MAN2B1: variants seen among roughly 807,000 people sequenced by gnomAD.
MAN2B1 encodes mannosidase alpha class 2B member 1.
A neutral mutation model predicts 127.5 loss-of-function variants in MAN2B1; 99 were observed. The observed-to-expected ratio is 0.78, with a 90% CI of 0.66 to 0.92. MAN2B1 has a LOEUF of 0.92. MAN2B1 is among the 40% of genes least tolerant of loss of function. MAN2B1 has a pLI of 0.00. For missense variants in MAN2B1, 1,304 were observed against 1,384.8 expected (o/e 0.94, Z 0.93); for synonymous variants, 573 against 568.8 (o/e 1.01, Z -0.11).
chr19:12,664,837 A>C lies in MAN2B1; in HGVS notation c.585T>G (p.Ile195Met). 1 of 1,613,998 alleles carries C rather than the reference A, an allele frequency of 6.2e-7. No homozygotes were observed. The highest frequency in any genetic ancestry group is 8.5e-7 in the Non-Finnish European group (1 of 1,179,962). The change falls in exon 4 of 24, where the codon ATT (isoleucine) becomes ATG (methionine). Residue 195 changes from isoleucine (I) to methionine (M), a missense_variant. By Grantham distance (10) the Ile-to-Met change is conservative. Transcript: ENST00000456935. Reference protein sequence around the residue: ...NDGRPRVAWHIDPFGHSREQA... With the variant: ...NDGRPRVAWHMDPFGHSREQA... The stretch of plus-strand genomic sequence containing the variant: ...GCTCCCGAGAGTGGCCGAAGGGGTC[A>C]ATGTGCCAGGCCACACGGGGTCGCC...
Position 12,646,567 on chromosome 19 carries a change from TG to T in MAN2B1, c.*52del. 1 of 1,344,064 alleles carries T rather than the reference TG, an allele frequency of 7.4e-7. No individual in the cohort carries two copies. The highest frequency in any genetic ancestry group is 1.1e-6 in the Non-Finnish European group (1 of 934,550). The allele number at this position is 1,344,064 out of a possible 1,614,324, so 83.3% of individuals were successfully genotyped here. A position where few individuals can be genotyped will look rare whatever the true frequency, so the allele number is the denominator to read the frequency against. On this transcript the variant is annotated 3_prime_UTR_variant, in exon 24 of 24. Transcript: ENST00000456935. ...CAGCCCCAAGAGGAGAGTCAGAGTC[TG>T]GTCTGCCCCCGGAGCAGGAGGCTTG...
chr19:12,658,641 C>G (rs1366309883), intron 7 of MAN2B1, 131 bp from the exon 8 acceptor site: 1 of 840,650 alleles, frequency 1.2e-6, no homozygotes, highest in Non-Finnish European at 2.0e-6. Flanking sequence ...GGCGTGCAAG[C>G]CAATGGTTGG....
In MAN2B1 at chr19:12,647,669, G is replaced by C; in HGVS notation, c.2665-71C>G. ...GATGGAGAAGGGCGGGGCCGAGCCA[G>C]GTCAGGAGGCAGGGCTAGGTTGTAG... On this transcript the variant is annotated intron_variant, in intron 21 of 23. Coordinates refer to ENST00000456935, the MANE Select transcript of MAN2B1 (RefSeq NM_000528.4). This position sits in a 1 kb window ranked among gnomAD's most constrained non-coding sequence, Gnocchi z 4.9. 1 of 1,395,030 alleles carries C rather than the reference G, an allele frequency of 7.2e-7. No homozygotes were observed. The highest frequency in any genetic ancestry group is 2.4e-5 in the East Asian group (1 of 42,420). The allele number at this position is 1,395,030 out of a possible 1,614,324, so 86.4% of individuals were successfully genotyped here.
rs753397171 is a variant in MAN2B1, at chr19:12,646,690, T to C, written c.2966A>G (p.Asn989Ser). The change falls in exon 24 of 24, where the codon AAC becomes AGC. Residue 989 changes from asparagine (N) to serine (S), a missense_variant. Asn to Ser is a conservative substitution (Grantham distance 46). Transcript: ENST00000456935. ...HQTPYQLDPA[N>S]ITLEPMEIRT... Reference sequence around the variant, plus strand: ...GATTTCCATGGGTTCCAGCGTGATGTTGGCCGGGTCCAGCTGGTACGGAGT... The same window carrying C: ...GATTTCCATGGGTTCCAGCGTGATGCTGGCCGGGTCCAGCTGGTACGGAGT... 160 of 1,614,012 alleles carry C rather than the reference T, an allele frequency of 9.9e-5. No homozygotes were observed. Among genetic ancestry groups the C allele is most frequent in the Admixed American group, 8.3e-4 (50 of 59,994 alleles).
rs553663605 is a variant in MAN2B1, at chr19:12,647,990, A to G, written c.2664+185T>C. ...ATGAGCTAGGGCTGTGCCTCTACAC[A>G]GTCCAGGGGGGTTGGGACTGGGCTG... is the stretch of plus-strand genomic sequence containing the variant. On this transcript the variant is annotated intron_variant, in intron 21 of 23. Coordinates refer to ENST00000456935, the MANE Select transcript of MAN2B1 (RefSeq NM_000528.4). The surrounding 1 kb of genome is among the most constrained non-coding windows in gnomAD (Gnocchi z 4.9). Among the ~76,000 whole-genome samples the G allele has an allele frequency of 6.6e-6, 1 of 152,066 alleles. No homozygotes were observed. The highest frequency in any genetic ancestry group is 1.5e-5 in the Non-Finnish European group (1 of 67,966).
At position 12,649,075 on chromosome 19, in the gene MAN2B1, A is replaced by G. The variant is rs544562918; in HGVS notation, c.2436+61T>C. 1.6e-4 allele frequency: 229 copies of G among 1,421,152 alleles called. No individual in the cohort carries two copies. The Middle Eastern group carries it at 2.9e-3, about 18-fold the overall frequency. The allele number at this position is 1,421,152 out of a possible 1,614,324, so 88.0% of individuals were successfully genotyped here. A position where few individuals can be genotyped will look rare whatever the true frequency, so the allele number is the denominator to read the frequency against. ...AGAACTGGGCCAGAAACAGCCTTCA[A>G]GGTCCAGCAGGGGTCCAGGTTGGGA... On this transcript the variant is annotated intron_variant, in intron 20 of 23. Coordinates refer to ENST00000456935, the MANE Select transcript of MAN2B1 (RefSeq NM_000528.4).
At chr19:12,649,858 C>CCCGGGCCCCCA in intron 18 of MAN2B1, 55 bp downstream of exon 18, 1 of 1,405,204 alleles carries the variant, frequency 7.1e-7, no homozygotes, top group Non-Finnish European at 1.0e-6. Context: ...CCTCACCACC[C>CCCGGGCCCCCA]CTGGGCCCCA....
In MAN2B1 at chr19:12,663,407, A is replaced by C. The variant is rs2024154972; in HGVS notation, c.819T>G (p.Cys273Trp). 6.2e-7 allele frequency: 1 copy of C among 1,613,994 alleles called. No homozygotes were observed. ...GGTCCTCCACCAGCGGCTGATCGAC[A>C]CACAGCACATCCCAGCACAGATTCC... ...PPRNLCWDVLCVDQPLVEDPR... is the reference protein window; with the variant it reads ...PPRNLCWDVLWVDQPLVEDPR... The change falls in exon 6 of 24, where the codon TGT becomes TGG. Residue 273 changes from cysteine (C) to tryptophan (W), a missense_variant. By Grantham distance (215) the Cys-to-Trp change is radical. Coordinates refer to ENST00000456935, the MANE Select transcript of MAN2B1 (RefSeq NM_000528.4).
chr19:12,651,149 G>A (rs1440651252), intron 16 of MAN2B1, among the ~76,000 whole-genome samples: 1 of 152,070 alleles, frequency 6.6e-6, no homozygotes. Flanking sequence ...CTTGAGCGTG[G>A]CATAAACGCC....
chr19:12,651,145 C>T lies in MAN2B1; in HGVS notation c.2047-923G>A, dbSNP rs549937089. On this transcript the variant is annotated intron_variant, in intron 16 of 23. Transcript: ENST00000456935. ...TCTGGCTTACCACATCACTCTTGAG[C>T]GTGGCATAAACGCCTCCTGTTCACC... 1.1e-4 allele frequency among the ~76,000 whole-genome samples: 17 copies of T among 152,206 alleles called. No homozygotes were observed. The South Asian group carries it at 2.3e-3, about 20-fold the overall frequency.
chr19:12,654,592 G>A (rs1018189695), intron 14 of MAN2B1, among the ~76,000 whole-genome samples: 2 of 152,208 alleles, frequency 1.3e-5, no homozygotes, highest in East Asian at 1.9e-4. Context: ...CTGTGGGAAC[G>A]TTTTAACTTC....
intron 7 of MAN2B1, among the ~76,000 whole-genome samples, chr19:12,659,426 C>T (rs754085265): frequency 8.6e-5 from 13 of 151,778 alleles, no homozygotes; most frequent in Admixed American, 4.6e-4. Flanking sequence ...CTCAGCCTGC[C>T]GAGTAGCTGG....
At chr19:12,649,084 AGGGGTCCAGGTT>A in intron 20 of MAN2B1, 40 bp downstream of exon 20, 1 of 1,482,050 alleles carries the variant, frequency 6.7e-7, no homozygotes, top group East Asian at 2.3e-5. Flanking sequence ...AAGGTCCAGC[AGGGGTCCAGGTT>A]GGGAGGACCC....
intron 6 of MAN2B1, among the ~76,000 whole-genome samples, chr19:12,661,945 AGCGACTCTCTT>A (rs1329268002): frequency 6.6e-6 from 1 of 152,096 alleles, no homozygotes; most frequent in Non-Finnish European, 1.5e-5. Context: ...GCCAGGTTCA[AGCGACTCTCTT>A]GCCTTAGCCT....
Position 12,658,525 on chromosome 19 carries a change from G to C in MAN2B1, c.1027-15C>G. On this transcript the variant is annotated splice_polypyrimidine_tract_variant and intron_variant, in intron 7 of 23. Transcript: ENST00000456935. ...CCTTTTGCCTGCTGCTGGGGGAGGC[G>C]ACGGAGTGAGCCCTCGGGAGTCCGC... is the stretch of plus-strand genomic sequence containing the variant. The C allele has an allele frequency of 2.5e-6, 4 of 1,613,122 alleles. No individual in the cohort carries two copies. Among genetic ancestry groups the C allele is most frequent in the Non-Finnish European group, 3.4e-6 (4 of 1,179,426 alleles).
At chr19:12,664,270 A>T (rs191683666) in intron 4 of MAN2B1, among the ~76,000 whole-genome samples, 15 of 152,322 alleles carry the variant, frequency 9.8e-5, no homozygotes, top group Admixed American at 4.6e-4. Context: ...AGAGGCCTCC[A>T]GCTTATTTCC....
chr19:12,647,642 T>C lies in MAN2B1; in HGVS notation c.2665-44A>G, dbSNP rs777777092. The C allele has an allele frequency of 1.0e-5, 16 of 1,535,842 alleles. No individual in the cohort carries two copies. The highest frequency in any genetic ancestry group is 5.4e-5 in the Admixed American group (3 of 55,626). ...GGCTGAGTTGGAGAGGGGCGGGGCC[T>C]GGATGGAGAAGGGCGGGGCCGAGCC... is the stretch of plus-strand genomic sequence containing the variant. On this transcript the variant is annotated intron_variant, in intron 21 of 23. Coordinates refer to ENST00000456935, the MANE Select transcript of MAN2B1 (RefSeq NM_000528.4). This position sits in a 1 kb window ranked among gnomAD's most constrained non-coding sequence, Gnocchi z 4.9.
At position 12,656,946 on chromosome 19, in the gene MAN2B1, C is replaced by T. The variant is rs750261637; in HGVS notation, c.1527+3G>A. ...TAGATCCACCCCTCCCGTCCCGGCT[C>T]ACGCGCGCCGCCGTCTGGCTGAGCG... On this transcript the variant is annotated splice_donor_region_variant and intron_variant, in intron 12 of 23. Transcript: ENST00000456935. 1 of 1,612,112 alleles carries T rather than the reference C, an allele frequency of 6.2e-7. No individual in the cohort carries two copies. Among genetic ancestry groups the T allele is most frequent in the African/African-American group, 1.3e-5 (1 of 75,052 alleles).
rs1177331918 is a variant in MAN2B1 at position 12,657,904 on chromosome 19, G to A, written c.1309+159C>T. On this transcript the variant is annotated intron_variant, in intron 10 of 23. Transcript: ENST00000456935. ...CGGGAGGTGGAGCTTGCAGTGAGCC[G>A]AGATCGCACCACTGCACTCCAGCCT... The A allele has an allele frequency of 1.3e-4, 90 of 704,904 alleles. No homozygotes were observed. In the Middle Eastern group the frequency reaches 1.6e-3, roughly 13 times the overall value. The allele number at this position is 704,904 out of a possible 1,614,324, so 43.7% of individuals were successfully genotyped here. A position where few individuals can be genotyped will look rare whatever the true frequency, so the allele number is the denominator to read the frequency against.
Sources: allele counts gnomAD v4.1 joint callset (sites outside exome capture counted in the v4.1 genomes callset), GRCh38; gene constraint gnomAD v4.1.1; non-coding constraint Gnocchi (gnomAD v3.1); transcripts MANE v1.5; gene names NCBI Gene and HGNC (gene_info 2026-07-23, HGNC 2026-07-21).